COX7A2L: variants seen among roughly 807,000 people sequenced by gnomAD.
The protein encoded by COX7A2L is cytochrome c oxidase subunit 7A2 like.
In COX7A2L, 18 loss-of-function variants were observed where a neutral mutation model predicts 14.2. The observed-to-expected ratio is 1.27, with a 90% CI of 0.88 to 1.88. COX7A2L has a LOEUF of 1.88. Ranked by LOEUF, COX7A2L falls within the 40% of genes most tolerant of loss-of-function variation. The probability of loss-of-function intolerance (pLI) is 0.00; values close to 1 mark genes in which losing one functional copy is unlikely to be tolerated. For missense variants in COX7A2L, 179 were observed against 138.8 expected (o/e 1.29, Z -1.46); for synonymous variants, 65 against 57.4 (o/e 1.13, Z -0.60).
In COX7A2L at chr2:42,353,451, C is replaced by CT. The variant is rs888434626; in HGVS notation, c.73-109dup. On this transcript the variant is annotated intron_variant, in intron 1 of 2. Transcript: ENST00000234301. ...CGAGAGAGCAAGAAAGTCTCTCCAACTTTCCCAGAGCAAACCCTGTCAAGA... is the reference window on the plus strand; with the variant it reads ...CGAGAGAGCAAGAAAGTCTCTCCAACTTTTCCCAGAGCAAACCCTGTCAAGA... 21 of 1,447,614 alleles carry CT rather than the reference C, an allele frequency of 1.5e-5. 1 individual carries two copies. The Admixed American group carries it at 2.6e-4, about 18-fold the overall frequency. The allele number at this position is 1,447,614 out of a possible 1,614,324, so 89.7% of individuals were successfully genotyped here.
In COX7A2L at chr2:42,339,645, A is replaced by T. The variant is rs1670360937; in HGVS notation, c.193-5776T>A. On this transcript the variant is annotated intron_variant, in intron 2 of 2. Coordinates refer to the COX7A2L transcript ENST00000468711. The surrounding 1 kb of genome is among the most constrained non-coding windows in gnomAD (Gnocchi z 5.4). ...CTTATTTTTAACACTTTTTAAATTT[A>T]TTACTTCCAATAAAGTGCAGAATCT... Among the ~76,000 whole-genome samples the T allele has an allele frequency of 6.6e-6, 1 of 151,798 alleles. No individual in the cohort carries two copies. Among genetic ancestry groups the T allele is most frequent in the South Asian group, 2.1e-4 (1 of 4,816 alleles).
upstream of COX7A2L, chr2:42,361,978 T>G (rs1454447571): frequency 6.6e-6 from 1 of 152,206 alleles, no homozygotes; most frequent in East Asian, 1.9e-4. Context: ...GAAATACACA[T>G]GCAGAGTGAT....
upstream of COX7A2L, chr2:42,365,544 T>C (rs1671148120): frequency 6.6e-6 from 1 of 152,028 alleles, no homozygotes; most frequent in Admixed American, 6.6e-5. Flanking sequence ...GGAGAATTGC[T>C]TGAACCCAAG....
At chr2:42,343,142 T>G (rs1376906139) in intron 2 of COX7A2L, among the ~76,000 whole-genome samples, 1 of 152,122 alleles carries the variant, frequency 6.6e-6, no homozygotes, top group East Asian at 1.9e-4. Flanking sequence ...AGGCATGACA[T>G]GGGTTCCCAG....
intron 1 of COX7A2L, among the ~76,000 whole-genome samples, chr2:42,366,546 T>A (rs959625627): frequency 6.6e-6 from 1 of 152,192 alleles, no homozygotes; most frequent in African/African-American, 2.4e-5. Flanking sequence ...CAAGATAAAA[T>A]TTTCAGTTTA....
intron 2 of COX7A2L, among the ~76,000 whole-genome samples, chr2:42,335,812 C>A (rs1249401341): frequency 6.6e-6 from 1 of 152,228 alleles, no homozygotes; most frequent in Non-Finnish European, 1.5e-5. Context: ...GAACTTAAGA[C>A]TGGCAGAAGA....
At chr2:42,336,025 G>T (rs1670263135) in intron 2 of COX7A2L, among the ~76,000 whole-genome samples, 1 of 152,184 alleles carries the variant, frequency 6.6e-6, no homozygotes, top group South Asian at 2.1e-4. Flanking sequence ...AGTCCCTAAT[G>T]TTCAATTTAA....
rs546803857 is a variant in COX7A2L at position 42,338,876 on chromosome 2, C to A, written c.193-5007G>T. Reference sequence around the variant, plus strand: ...AGAAAGGAAAAAGAGAAGATGAAGGCCTTGCCCACATCCAATCCAAAGGGG... The same window carrying A: ...AGAAAGGAAAAAGAGAAGATGAAGGACTTGCCCACATCCAATCCAAAGGGG... On this transcript the variant is annotated intron_variant, in intron 2 of 2. Transcript: ENST00000468711. The surrounding 1 kb of genome is among the most constrained non-coding windows in gnomAD (Gnocchi z 4.4). 6.6e-6 allele frequency among the ~76,000 whole-genome samples: 1 copy of A among 152,332 alleles called. No homozygotes were observed. The highest frequency in any genetic ancestry group is 1.9e-4 in the East Asian group (1 of 5,176).
chr2:42,364,353 T>G (rs1295528276), upstream of COX7A2L, among the ~76,000 whole-genome samples: 1 of 152,066 alleles, frequency 6.6e-6, no homozygotes, highest in Non-Finnish European at 1.5e-5. Context: ...TTCTGAAGGA[T>G]TTTGCCCATT....
chr2:42,358,242 G>C (rs1482033155), intron 1 of COX7A2L, among the ~76,000 whole-genome samples: 2 of 152,174 alleles, frequency 1.3e-5, no homozygotes, highest in Non-Finnish European at 2.9e-5. Context: ...AACTGAAAAT[G>C]TTAAACATCT....
At chr2:42,368,815 C>A (rs895844638) in intron 1 of COX7A2L, 7 of 152,192 alleles carry the variant, frequency 4.6e-5, no homozygotes, top group African/African-American at 2.4e-5. Context: ...CTCCAGTAGA[C>A]CCCAACCTTG....
intron 1 of COX7A2L, among the ~76,000 whole-genome samples, chr2:42,354,633 A>G (rs558914644): frequency 2.1e-4 from 32 of 152,358 alleles, no homozygotes; most frequent in African/African-American, 7.7e-4. Flanking sequence ...GGCAAGCACT[A>G]GATGAACAGG....
chr2:42,355,771 GC>G (rs1195491206), intron 1 of COX7A2L, among the ~76,000 whole-genome samples: 1 of 125,054 alleles, frequency 8.0e-6, no homozygotes, highest in Non-Finnish European at 1.6e-5. Flanking sequence ...TGTTGCCCTG[GC>G]TGGAGTGCAG....
chr2:42,362,510 G>A (rs976555225), upstream of COX7A2L, among the ~76,000 whole-genome samples: 2 of 152,210 alleles, frequency 1.3e-5, no homozygotes, highest in Admixed American at 6.5e-5. Context: ...GAGAAGCTAA[G>A]TAACTTGCTC....
chr2:42,341,604 G>A (rs796852809), intron 2 of COX7A2L, among the ~76,000 whole-genome samples: 1 of 152,228 alleles, frequency 6.6e-6, no homozygotes, highest in African/African-American at 2.4e-5. Flanking sequence ...TGATGGGTGG[G>A]GGGACACAAA....
rs1396534221 is a variant in COX7A2L, at chr2:42,342,510, T to C, written c.193-8641A>G. On this transcript the variant is annotated intron_variant, in intron 2 of 2. Transcript: ENST00000468711. This position sits in a 1 kb window ranked among gnomAD's most constrained non-coding sequence, Gnocchi z 4.9. ...ACTTTACAGCCCTTCCAAGGCTTCT[T>C]CCTAAAACCTTCTCTGCCAAAGGGG... Among the ~76,000 whole-genome samples, 1 of 152,154 alleles carries C rather than the reference T, an allele frequency of 6.6e-6. No homozygotes were observed. Among genetic ancestry groups the C allele is most frequent in the Non-Finnish European group, 1.5e-5 (1 of 68,030 alleles).
downstream of COX7A2L, among the ~76,000 whole-genome samples, chr2:42,346,940 T>C (rs7571604): frequency 0.62 from 94,382 of 151,954 alleles, 30,026 homozygotes; most frequent in East Asian, 0.75. Context: ...GAGATTGGCT[T>C]TTGCTCTGTC....
intron 1 of COX7A2L, among the ~76,000 whole-genome samples, chr2:42,355,717 CTTTTTTTTTTTT>C (rs386390054): frequency 1.4e-4 from 10 of 69,048 alleles, no homozygotes; most frequent in South Asian, 1.1e-3. Flanking sequence ...ATCCTACGTT[CTTTTTTTTTTTT>C]TTTTTTTTTT....
chr2:42,366,067 G>A (rs1314482939), upstream of COX7A2L, among the ~76,000 whole-genome samples: 1 of 152,144 alleles, frequency 6.6e-6, no homozygotes, highest in Non-Finnish European at 1.5e-5. Flanking sequence ...TAATGTCAAT[G>A]GATCATTTTC....
Sources: gnomAD v4.1 joint callset for allele counts (sites outside exome capture counted in the v4.1 genomes callset) on GRCh38, gnomAD v4.1.1 for gene constraint, Gnocchi (gnomAD v3.1) non-coding constraint, MANE v1.5 for transcripts, NCBI Gene and HGNC (gene_info 2026-07-23, HGNC 2026-07-21) for gene names.